DYM: variants seen among roughly 807,000 people sequenced by gnomAD.
The protein encoded by DYM is dyggve-Melchior-Clausen syndrome protein.
Under a neutral mutation model 93.1 loss-of-function variants are expected in DYM, and 78 were observed. That is an observed-to-expected ratio of 0.84 (90% CI 0.70 to 1.01). The LOEUF is 1.01. Ranked by LOEUF, DYM falls within the 50% of genes least tolerant of loss-of-function variation. DYM has a pLI of 0.00. For synonymous variants in DYM, 321 were observed against 319.7 expected, an observed-to-expected ratio of 1.00 and a Z score of -0.04; for missense variants, 789 against 845.0, an observed-to-expected ratio of 0.93 and a Z score of 0.82.
At chr18:49,271,366 T>A (rs180914146) in intron 11 of DYM, among the ~76,000 whole-genome samples, 1 of 152,052 alleles carries the variant, frequency 6.6e-6, no homozygotes, top group Non-Finnish European at 1.5e-5. Context: ...AAAATGGTAA[T>A]AAGATGGAAA....
chr18:49,269,894 T>C (rs1325317554), intron 11 of DYM, among the ~76,000 whole-genome samples: 2 of 152,236 alleles, frequency 1.3e-5, no homozygotes, highest in African/African-American at 2.4e-5. Context: ...CACTCACTCA[T>C]TGATTCAGTC....
intron 15 of DYM, among the ~76,000 whole-genome samples, chr18:49,159,931 G>C (rs73441559): frequency 0.13 from 19,943 of 151,970 alleles, 1,618 homozygotes; most frequent in East Asian, 0.29. Context: ...ATTCATAACT[G>C]ATTTATTATC....
chr18:49,373,773 A>C (rs577632266), intron 5 of DYM, among the ~76,000 whole-genome samples: 2 of 152,318 alleles, frequency 1.3e-5, no homozygotes, highest in African/African-American at 4.8e-5. Flanking sequence ...ATACAAAACA[A>C]AGTGCTGGGT....
intron 2 of DYM, among the ~76,000 whole-genome samples, chr18:49,420,165 G>GTT (rs58141815): frequency 1.9e-4 from 21 of 109,036 alleles, no homozygotes; most frequent in Non-Finnish European, 2.9e-4. Flanking sequence ...GTTAAAATTC[G>GTT]TTTTTTTTTT....
At chr18:49,093,870 A>AT (rs1313329855) in intron 17 of DYM, among the ~76,000 whole-genome samples, 3 of 152,202 alleles carry the variant, frequency 2.0e-5, no homozygotes, top group South Asian at 2.1e-4. Flanking sequence ...AGTTGATATG[A>AT]TTTTTTATAT....
rs184301698 is a variant in DYM, at chr18:49,156,433, A to C, written c.1728+7252T>G. On this transcript the variant is annotated intron_variant, in intron 15 of 17. Coordinates refer to ENST00000675505, the MANE Select transcript of DYM (RefSeq NM_001353214.3). ...TCAAACCACGCCCCCCCCTCAAAAA[A>C]AACAACAACAAAAAATGGCCAGGCG... Among the ~76,000 whole-genome samples the C allele has an allele frequency of 1.5e-4, 23 of 151,970 alleles. No individual in the cohort carries two copies. The East Asian group carries it at 1.6e-3, about 10-fold the overall frequency.
intron 14 of DYM, among the ~76,000 whole-genome samples, chr18:49,200,240 G>A (rs1438006597): frequency 6.6e-6 from 1 of 151,884 alleles, no homozygotes; most frequent in African/African-American, 2.4e-5. Context: ...ATTTAAATTT[G>A]CATAATTTTT....
chr18:49,225,494 T>C (rs546062045), intron 13 of DYM, among the ~76,000 whole-genome samples: 11 of 152,158 alleles, frequency 7.2e-5, no homozygotes, highest in African/African-American at 2.6e-4. Context: ...TCAAAGGGGA[T>C]GAAATGACCT....
At chr18:49,131,143 G>A (rs550940049) in intron 15 of DYM, among the ~76,000 whole-genome samples, 4 of 152,242 alleles carry the variant, frequency 2.6e-5, no homozygotes, top group African/African-American at 9.6e-5. Context: ...ATGCTAACCC[G>A]AAACAAGAAG....
intron 13 of DYM, among the ~76,000 whole-genome samples, chr18:49,213,387 C>CCCGGGTTCAAGCAATTCTA (rs1303496796): frequency 2.0e-5 from 3 of 151,600 alleles, no homozygotes; most frequent in Non-Finnish European, 4.4e-5. Flanking sequence ...ACCTCCGCCT[C>CCCGGGTTCAAGCAATTCTA]CCGGGTTCAA....
intron 8 of DYM, among the ~76,000 whole-genome samples, 178 bp downstream of exon 8, chr18:49,331,686 A>G (rs2063315752): frequency 6.6e-6 from 1 of 152,216 alleles, no homozygotes; most frequent in East Asian, 1.9e-4. Context: ...TACATTTTAC[A>G]TAAATCACCG....
rs187734184 is a variant in DYM, at chr18:49,332,001, G to A, written c.626C>T (p.Pro209Leu). Reference protein sequence around the residue: ...HKYLMRGPCLPYTSKLVKTLL... With the variant: ...HKYLMRGPCLLYTSKLVKTLL... ...GGTCTTCACAAGTTTGCTGGTGTAT[G>A]GAAGACTATACAAAAAGGAAAAAAA... The change falls in exon 8 of 18, where the codon CCA becomes CTA. Residue 209 changes from proline to leucine, a missense_variant. Pro to Leu is a moderately conservative substitution (Grantham distance 98). This residue lies in a region of DYM where 450 missense variants were observed against 436.2 expected (regional missense o/e 1.03). Coordinates refer to ENST00000675505, the MANE Select transcript of DYM (RefSeq NM_001353214.3). 2.9e-5 allele frequency: 46 copies of A among 1,613,432 alleles called. No individual in the cohort carries two copies. The East Asian group carries it at 9.1e-4, about 32-fold the overall frequency.
At chr18:49,223,025 A>G (rs907636816) in intron 13 of DYM, among the ~76,000 whole-genome samples, 5 of 152,150 alleles carry the variant, frequency 3.3e-5, no homozygotes, top group Non-Finnish European at 5.9e-5. Flanking sequence ...TAGAATATGA[A>G]ATAAACAGGA....
chr18:49,270,154 C>T (rs948130083), intron 11 of DYM, among the ~76,000 whole-genome samples: 9 of 152,154 alleles, frequency 5.9e-5, no homozygotes, highest in South Asian at 2.1e-4. Context: ...GCACACTCTA[C>T]GATGTTCACA....
intron 16 of DYM, among the ~76,000 whole-genome samples, chr18:49,112,696 C>T (rs1308206164): frequency 6.6e-6 from 1 of 152,108 alleles, no homozygotes; most frequent in African/African-American, 2.4e-5. Flanking sequence ...CAATTTCATA[C>T]AATAAAATAA....
chr18:49,170,780 C>CAAAAAA lies in DYM; in HGVS notation c.1626-6999_1626-6994dup, dbSNP rs34297501. 2.9e-4 allele frequency among the ~76,000 whole-genome samples: 9 copies of CAAAAAA among 31,234 alleles called. 3 individuals are homozygous for CAAAAAA. The highest frequency in any genetic ancestry group is 1.3e-3 in the Admixed American group (3 of 2,270). The allele number at this position is 31,234 out of a possible 152,430, so 20.5% of individuals were successfully genotyped here. Reference sequence around the variant, plus strand: ...TGGGCAACAAAGTGAGACTCCGTCTCAAAAAAAAAAAAAAAAAAAAAAAAA... The same window carrying CAAAAAA: ...TGGGCAACAAAGTGAGACTCCGTCTCAAAAAAAAAAAAAAAAAAAAAAAAAAAAAAA... On this transcript the variant is annotated intron_variant, in intron 14 of 17. Coordinates refer to ENST00000675505, the MANE Select transcript of DYM (RefSeq NM_001353214.3).
At chr18:49,108,137 T>C (rs947629468) in intron 16 of DYM, among the ~76,000 whole-genome samples, 6 of 152,228 alleles carry the variant, frequency 3.9e-5, no homozygotes, top group African/African-American at 7.2e-5. Context: ...CACTGCCACC[T>C]TGCAGTTTGA....
chr18:49,122,571 C>T (rs145601749), intron 15 of DYM, among the ~76,000 whole-genome samples: 1 of 152,266 alleles, frequency 6.6e-6, no homozygotes, highest in African/African-American at 2.4e-5. Flanking sequence ...AAGCTCAGTG[C>T]TCCCCTCGTT....
At chr18:49,152,864 G>A (rs144011360) in intron 15 of DYM, among the ~76,000 whole-genome samples, 116 of 152,192 alleles carry the variant, frequency 7.6e-4, no homozygotes, top group African/African-American at 2.6e-3. Flanking sequence ...AAATGAGACA[G>A]AGACAAAAAG....
Sources: gnomAD v4.1 joint callset for allele counts (sites outside exome capture counted in the v4.1 genomes callset) on GRCh38, gnomAD v4.1.1 for gene constraint, gnomAD v4.1.1 regional missense constraint, MANE v1.5 for transcripts, NCBI Gene and HGNC (gene_info 2026-07-23, HGNC 2026-07-21) for gene names.